The following CALD1 variants were observed in gnomAD, a reference collection of about 807,000 sequenced individuals.
CALD1 encodes caldesmon.
A neutral mutation model predicts 99.9 loss-of-function variants in CALD1; 33 were observed. That is an observed-to-expected ratio of 0.33 (90% CI 0.25 to 0.44). The LOEUF is 0.44. CALD1 is among the 20% of genes least tolerant of loss of function. CALD1 has a pLI of 1.00. For missense variants in CALD1, 861 were observed against 962.1 expected, an observed-to-expected ratio of 0.89 and a Z score of 1.39; for synonymous variants, 310 against 325.0, an observed-to-expected ratio of 0.95 and a Z score of 0.50.
At chr7:134,958,167 A>T in intron 10 of CALD1, 42 bp from the exon 11 acceptor site, 1 of 1,588,410 alleles carries the variant, frequency 6.3e-7, no homozygotes, top group Non-Finnish European at 8.6e-7. Flanking sequence ...GTATGAGAAG[A>T]TTCTCTCTCA....
chr7:134,870,532 A>G (rs542815170), intron 3 of CALD1, among the ~76,000 whole-genome samples: 7 of 152,328 alleles, frequency 4.6e-5, no homozygotes, highest in African/African-American at 1.7e-4. Context: ...TGTCAGATGT[A>G]AAAGGAATGT....
chr7:134,758,501 GGTGTGT>G lies in CALD1; in HGVS notation c.-130+14171_-130+14176del, dbSNP rs59389296. Among the ~76,000 whole-genome samples the G allele has an allele frequency of 4.8e-3, 691 of 145,194 alleles. 5 individuals carry two copies. The highest frequency in any genetic ancestry group is 0.014 in the African/African-American group (538 of 39,166). On this transcript the variant is annotated intron_variant, in intron 1 of 13. Coordinates refer to the CALD1 transcript ENST00000417172. ...TTTAAATATCTGCAGCTCCCATTGG[GGTGTGT>G]GTGTGTGTGTGTGTGTGTGTGTGTG...
the CALD1 span, among the ~76,000 whole-genome samples, chr7:134,733,474 T>A: frequency 6.6e-6 from 1 of 152,220 alleles, no homozygotes; most frequent in African/African-American, 2.4e-5. Context: ...ATTTTGTACG[T>A]CTTTTTATCC....
chr7:134,787,884 C>T (rs962899379), intron 1 of CALD1, among the ~76,000 whole-genome samples: 4 of 152,098 alleles, frequency 2.6e-5, no homozygotes, highest in African/African-American at 9.7e-5. Flanking sequence ...CCATGCTCTT[C>T]GGTTTAGAGG....
At chr7:134,777,922 G>T (rs566812833), upstream of CALD1, among the ~76,000 whole-genome samples, 3 of 152,200 alleles carry the variant, frequency 2.0e-5, no homozygotes, top group African/African-American at 4.8e-5. Flanking sequence ...ATTTATCTGG[G>T]ATCAGAAGAC....
chr7:134,821,583 CAT>C (rs1798777394), intron 1 of CALD1, among the ~76,000 whole-genome samples: 1 of 140,324 alleles, frequency 7.1e-6, no homozygotes, highest in Non-Finnish European at 1.5e-5. Context: ...GAGTCAACGA[CAT>C]TTTTTTTTTT....
At chr7:134,864,350 A>AT (rs1024228973) in intron 2 of CALD1, among the ~76,000 whole-genome samples, 2 of 150,922 alleles carry the variant, frequency 1.3e-5, no homozygotes, top group Non-Finnish European at 3.0e-5. Flanking sequence ...TCCATCTCAA[A>AT]AAAAAAAAAA....
intron 1 of CALD1, among the ~76,000 whole-genome samples, chr7:134,758,149 G>C (rs1009074627): frequency 6.6e-6 from 1 of 152,174 alleles, no homozygotes; most frequent in Admixed American, 6.5e-5. Context: ...AGCTGATTCA[G>C]ACTGTTGTGT....
intron 3 of CALD1, among the ~76,000 whole-genome samples, chr7:134,925,959 C>T (rs533004770): frequency 1.6e-4 from 25 of 152,234 alleles, no homozygotes; most frequent in East Asian, 1.5e-3. Flanking sequence ...CTCCCTGTTG[C>T]GGTTAAAGCT....
At chr7:134,826,457 C>T (rs116604784) in intron 1 of CALD1, among the ~76,000 whole-genome samples, 3,374 of 152,182 alleles carry the variant, frequency 0.022, 144 homozygotes, top group African/African-American at 0.077. Context: ...CAACACACAC[C>T]GGAGCTTTTC....
chr7:134,759,269 T>C (rs1163824605), intron 1 of CALD1, among the ~76,000 whole-genome samples: 4 of 152,210 alleles, frequency 2.6e-5, no homozygotes, highest in Non-Finnish European at 5.9e-5. Flanking sequence ...AAAATAGATC[T>C]GTCTCTGTCT....
At chr7:134,729,487 A>G in the CALD1 span, among the ~76,000 whole-genome samples, 1 of 152,322 alleles carries the variant, frequency 6.6e-6, no homozygotes, top group African/African-American at 2.4e-5. Context: ...GTACCCATAA[A>G]CGGGAGAAGG....
At position 134,746,441 on chromosome 7, in the gene CALD1, G is replaced by A. The variant is rs961329489; in HGVS notation, c.-130+2078G>A. Among the ~76,000 whole-genome samples, 5 of 152,328 alleles carry A rather than the reference G, an allele frequency of 3.3e-5. No individual in the cohort carries two copies. In the South Asian group the frequency reaches 1.0e-3, roughly 32 times the overall value. On this transcript the variant is annotated intron_variant, in intron 1 of 13. Coordinates refer to the CALD1 transcript ENST00000417172. ...TGGTTTATGGTACTTTGTTCTGGCA[G>A]TCCAAACGGTTTAAGACAAAAAATT...
chr7:134,730,528 A>G, the CALD1 span, among the ~76,000 whole-genome samples: 359 of 152,322 alleles, frequency 2.4e-3, 1 homozygote, highest in African/African-American at 8.1e-3. Context: ...CTCCTTGAAA[A>G]GCCCAGACTT....
the CALD1 span, among the ~76,000 whole-genome samples, chr7:134,738,554 A>G: frequency 2.0e-5 from 3 of 152,318 alleles, no homozygotes; most frequent in African/African-American, 4.8e-5. Context: ...CTGGCCTCCA[A>G]TTAAATATAT....
chr7:134,956,848 G>A (rs1807810739), intron 9 of CALD1, among the ~76,000 whole-genome samples: 1 of 152,168 alleles, frequency 6.6e-6, no homozygotes, highest in Admixed American at 6.5e-5. Flanking sequence ...GTGATGGGTG[G>A]TAGAGGATAT....
chr7:134,748,895 T>C (rs1796659979), intron 1 of CALD1, among the ~76,000 whole-genome samples: 1 of 152,028 alleles, frequency 6.6e-6, no homozygotes, highest in South Asian at 2.1e-4. Context: ...GCAGTCCTCA[T>C]GTATGGGATT....
intron 3 of CALD1, chr7:134,891,462 C>G: frequency 7.4e-7 from 1 of 1,346,122 alleles, no homozygotes. Context: ...AGGGACAGAC[C>G]AACGTGTTAA....
chr7:134,714,290 A>G, the CALD1 span, among the ~76,000 whole-genome samples: 1 of 152,188 alleles, frequency 6.6e-6, no homozygotes, highest in Non-Finnish European at 1.5e-5. Context: ...GAGAGGAAGA[A>G]GTTCCAGCCC....
Sources: gnomAD v4.1 joint callset for allele counts (sites outside exome capture counted in the v4.1 genomes callset) on GRCh38, gnomAD v4.1.1 for gene constraint, MANE v1.5 for transcripts, NCBI Gene and HGNC (gene_info 2026-07-23, HGNC 2026-07-21) for gene names.